BBOX1: variants seen among roughly 807,000 people sequenced by gnomAD.
The protein encoded by BBOX1 is gamma-butyrobetaine hydroxylase 1.
Under a neutral mutation model 41.6 loss-of-function variants are expected in BBOX1, and 35 were observed. The observed-to-expected ratio is 0.84, with a 90% CI of 0.64 to 1.11. The LOEUF (loss-of-function observed/expected upper bound fraction) is 1.11, where lower values mean the gene tolerates loss of function less well. BBOX1 is among the 50% of genes most tolerant of loss of function. The pLI is 0.00. For synonymous variants in BBOX1, 163 were observed against 154.7 expected, an observed-to-expected ratio of 1.05 and a Z score of -0.40; for missense variants, 458 against 460.6, an observed-to-expected ratio of 0.99 and a Z score of 0.05.
intron 5 of BBOX1, among the ~76,000 whole-genome samples, chr11:27,113,715 T>A (rs1295944743): frequency 6.6e-6 from 1 of 151,598 alleles, no homozygotes; most frequent in African/African-American, 2.4e-5. Flanking sequence ...CTATATATAT[T>A]ACCTGAGTGA....
At chr11:27,055,984 TTC>T (rs1856968230) in intron 3 of BBOX1, among the ~76,000 whole-genome samples, 1 of 152,288 alleles carries the variant, frequency 6.6e-6, no homozygotes, top group East Asian at 1.9e-4. Flanking sequence ...CATTCCATGT[TTC>T]TCTCTTCCAA....
At chr11:27,085,389 T>C (rs1396634849) in intron 4 of BBOX1, among the ~76,000 whole-genome samples, 2 of 152,168 alleles carry the variant, frequency 1.3e-5, no homozygotes, top group Admixed American at 1.3e-4. Context: ...TCTTAGTATC[T>C]CAAACTGTTT....
chr11:27,077,565 C>T (rs1312339381), intron 4 of BBOX1, among the ~76,000 whole-genome samples: 7 of 147,758 alleles, frequency 4.7e-5, no homozygotes, highest in African/African-American at 1.8e-4. Flanking sequence ...CACACTATTT[C>T]GTCTTTCCAA....
intron 4 of BBOX1, chr11:27,066,690 A>T (rs1293967890): frequency 7.6e-6 from 1 of 132,430 alleles, no homozygotes; most frequent in Admixed American, 7.0e-5. Flanking sequence ...AAAAAAAAAG[A>T]AAAAAAACCA....
At chr11:27,093,487 A>C (rs573098010) in intron 5 of BBOX1, 121 bp downstream of exon 5, 180 of 1,067,410 alleles carry the variant, frequency 1.7e-4, no homozygotes, top group Non-Finnish European at 2.2e-4. Flanking sequence ...GTAGGAAGTC[A>C]GATAAAAAGA....
chr11:27,101,606 T>C (rs1858659523), intron 5 of BBOX1, among the ~76,000 whole-genome samples: 1 of 152,266 alleles, frequency 6.6e-6, no homozygotes, highest in African/African-American at 2.4e-5. Context: ...CAGGTAGTTT[T>C]CATCCTTCTA....
At chr11:27,045,085 G>A (rs1851450932) in intron 2 of BBOX1, among the ~76,000 whole-genome samples, 1 of 152,126 alleles carries the variant, frequency 6.6e-6, no homozygotes, top group Admixed American at 6.5e-5. Context: ...TCCATTGTTT[G>A]TGTCCTCTCT....
chr11:27,087,766 C>G (rs1376998432), intron 4 of BBOX1, among the ~76,000 whole-genome samples: 2 of 152,078 alleles, frequency 1.3e-5, no homozygotes, highest in Non-Finnish European at 2.9e-5. Context: ...TATTGGTACA[C>G]AGGTTCTAAT....
intron 2 of BBOX1, among the ~76,000 whole-genome samples, chr11:27,051,544 C>T (rs1851669629): frequency 6.6e-6 from 1 of 151,940 alleles, no homozygotes; most frequent in South Asian, 2.1e-4. Flanking sequence ...ATGATTCAGT[C>T]CTGGTAGGTT....
chr11:27,084,110 G>T (rs1857947178), intron 4 of BBOX1, among the ~76,000 whole-genome samples: 1 of 152,126 alleles, frequency 6.6e-6, no homozygotes, highest in Non-Finnish European at 1.5e-5. Context: ...GCCCAGAGGA[G>T]CAGCTCTCAA....
At chr11:27,099,562 A>C (rs1284798294) in intron 5 of BBOX1, among the ~76,000 whole-genome samples, 1 of 152,086 alleles carries the variant, frequency 6.6e-6, no homozygotes, top group Non-Finnish European at 1.5e-5. Flanking sequence ...AATACTTTGG[A>C]AACTTTACGC....
chr11:27,045,222 C>G (rs1851455418), intron 2 of BBOX1, among the ~76,000 whole-genome samples: 1 of 152,076 alleles, frequency 6.6e-6, no homozygotes. Context: ...TGATTTGGCT[C>G]TCTGTTTGTC....
Position 27,054,205 on chromosome 11 carries a change from C to CTGTGTGTGTGTG in BBOX1, c.-38-1169_-38-1158dup, listed in dbSNP as rs57324926. On this transcript the variant is annotated intron_variant, in intron 2 of 8. Coordinates refer to ENST00000263182, the MANE Select transcript of BBOX1 (RefSeq NM_003986.3). ...TTTTATAAGCTGTGTGTGTGTGTGT[C>CTGTGTGTGTGTG]TGTGTGTGTGTGTGTGTGTGTGTGT... 4.0e-3 allele frequency among the ~76,000 whole-genome samples: 564 copies of CTGTGTGTGTGTG among 139,482 alleles called. 3 individuals carry two copies. Among genetic ancestry groups the CTGTGTGTGTGTG allele is most frequent in the African/African-American group, 0.014 (541 of 39,180 alleles). The allele number at this position is 139,482 out of a possible 152,430, so 91.5% of individuals were successfully genotyped here.
chr11:27,127,345 T>C lies in BBOX1; in HGVS notation c.1056T>C (p.Tyr352=), dbSNP rs755867068. The change falls in exon 9 of 9, where the codon TAT becomes TAC. Residue 352 remains tyrosine, a synonymous_variant. Coordinates refer to ENST00000263182, the MANE Select transcript of BBOX1 (RefSeq NM_003986.3). ...NWRLLHGRRS[Y]EAGTEISRHL... ...GCTTACTTCATGGCCGACGTAGCTA[T>C]GAAGCAGGAACTGAGATATCCCGCC... 1 of 1,614,196 alleles carries C rather than the reference T, an allele frequency of 6.2e-7. No individual in the cohort carries two copies. Among genetic ancestry groups the C allele is most frequent in the Admixed American group, 1.7e-5 (1 of 60,030 alleles).
intron 5 of BBOX1, among the ~76,000 whole-genome samples, chr11:27,110,932 T>G (rs924455726): frequency 6.6e-6 from 1 of 151,962 alleles, no homozygotes; most frequent in African/African-American, 2.4e-5. Flanking sequence ...TTTGGTTTAT[T>G]TTTAAACATG....
At chr11:27,073,237 C>A (rs907709011) in intron 4 of BBOX1, among the ~76,000 whole-genome samples, 2 of 152,058 alleles carry the variant, frequency 1.3e-5, no homozygotes, top group African/African-American at 4.8e-5. Flanking sequence ...AAACAACCCC[C>A]TCAAAAAGTG....
intron 5 of BBOX1, among the ~76,000 whole-genome samples, chr11:27,100,444 A>C (rs534054359): frequency 6.6e-6 from 1 of 152,262 alleles, no homozygotes; most frequent in East Asian, 1.9e-4. Flanking sequence ...CTGAGTTCTA[A>C]ATTTAATTGT....
intron 4 of BBOX1, among the ~76,000 whole-genome samples, chr11:27,065,741 A>T (rs1857262492): frequency 1.3e-5 from 2 of 152,306 alleles, no homozygotes; most frequent in South Asian, 4.1e-4. Context: ...AGATGTATTG[A>T]TGTATTAAAT....
chr11:27,113,994 T>C (rs1859171085), intron 5 of BBOX1, among the ~76,000 whole-genome samples: 1 of 151,732 alleles, frequency 6.6e-6, no homozygotes, highest in Non-Finnish European at 1.5e-5. Context: ...TGATCTTACA[T>C]ATAATAAATC....
Sources: gnomAD v4.1 joint callset for allele counts (sites outside exome capture counted in the v4.1 genomes callset) on GRCh38, gnomAD v4.1.1 for gene constraint, MANE v1.5 for transcripts, NCBI Gene and HGNC (gene_info 2026-07-23, HGNC 2026-07-21) for gene names.